Variants in TMEM184C observed in about 807,000 individuals in gnomAD.
TMEM184C encodes transmembrane protein 34.
A neutral mutation model predicts 54.5 loss-of-function variants in TMEM184C; 25 were observed. The ratio of observed to expected loss-of-function variants is 0.46; its 90% CI spans 0.33 to 0.64. The LOEUF is 0.64. TMEM184C is among the 30% of genes least tolerant of loss of function. The pLI is 0.02. For synonymous variants in TMEM184C, 148 were observed against 181.5 expected, an observed-to-expected ratio of 0.82 and a Z score of 1.49; for missense variants, 335 against 520.3, an observed-to-expected ratio of 0.64 and a Z score of 3.46.
chr4:147,628,118 C>G (rs1306918177), intron 4 of TMEM184C, among the ~76,000 whole-genome samples: 1 of 152,170 alleles, frequency 6.6e-6, no homozygotes, highest in Non-Finnish European at 1.5e-5. Context: ...ATGTTCACAC[C>G]ACTGCACTCC....
intron 4 of TMEM184C, among the ~76,000 whole-genome samples, chr4:147,625,953 C>A (rs1422873240): frequency 6.6e-6 from 1 of 152,070 alleles, no homozygotes; most frequent in East Asian, 1.9e-4. Flanking sequence ...TAGGGGGAAG[C>A]CAGTGAGCCA....
At chr4:147,632,172 C>CAA (rs537342410) in intron 7 of TMEM184C, among the ~76,000 whole-genome samples, 1,541 of 122,790 alleles carry the variant, frequency 0.013, 26 homozygotes, top group African/African-American at 0.025. Context: ...AACTCTGTCT[C>CAA]AAAAAAAAAA....
At chr4:147,624,720 T>G (rs1732780480) in intron 3 of TMEM184C, 84 bp from the exon 4 acceptor site, 1 of 1,285,908 alleles carries the variant, frequency 7.8e-7, no homozygotes, top group African/African-American at 1.5e-5. Flanking sequence ...GCATAAAAAT[T>G]AGCTTATTGT....
rs972655853 is a variant in TMEM184C, at chr4:147,635,724, A to G, written c.*1290A>G. ...TCTATTAAAACTAAAACTGGGCTCT[A>G]TGTAAAAACCCCAAAGATACACACA... is the stretch of plus-strand genomic sequence containing the variant. On this transcript the variant is annotated 3_prime_UTR_variant, in exon 10 of 10. Transcript: ENST00000296582. 6.6e-6 allele frequency: 1 copy of G among 152,120 alleles called. No individual in the cohort carries two copies. Among genetic ancestry groups the G allele is most frequent in the African/African-American group, 2.4e-5 (1 of 41,448 alleles). The allele number at this position is 152,120 out of a possible 1,614,324, so 9.4% of individuals were successfully genotyped here. A position where few individuals can be genotyped will look rare whatever the true frequency, so the allele number is the denominator to read the frequency against.
At chr4:147,624,144 T>A (rs1732766318) in intron 3 of TMEM184C, 46 bp downstream of exon 3, 1 of 1,490,890 alleles carries the variant, frequency 6.7e-7, no homozygotes, top group Non-Finnish European at 9.3e-7. Context: ...ACTTGTTTGA[T>A]GATACTATAA....
intron 7 of TMEM184C, among the ~76,000 whole-genome samples, chr4:147,632,262 C>T (rs1433882058): frequency 6.7e-6 from 1 of 149,074 alleles, no homozygotes; most frequent in Non-Finnish European, 1.5e-5. Flanking sequence ...AGAAACAATA[C>T]AAAAAGGGAA....
rs1404289260 is a variant in TMEM184C at position 147,634,710 on chromosome 4, C to CT, written c.*279dup. The CT allele has an allele frequency of 6.7e-6, 2 of 300,046 alleles. No individual in the cohort carries two copies. The highest frequency in any genetic ancestry group is 1.2e-5 in the Non-Finnish European group (2 of 169,654). The allele number at this position is 300,046 out of a possible 1,614,324, so 18.6% of individuals were successfully genotyped here. ...ACTAAATCTTCCTGATGTTACACTG[C>CT]TTTATCAAGAGGATGGACTTTTTTT... On this transcript the variant is annotated 3_prime_UTR_variant, in exon 10 of 10. Transcript: ENST00000296582.
chr4:147,623,983 G>A lies in TMEM184C; in HGVS notation c.254+19G>A. ...TAATAAGGTATGTCTTAATAATTTTGATTCCACTACTGTTGTGTTGGCTTA... is the reference window on the plus strand; with the variant it reads ...TAATAAGGTATGTCTTAATAATTTTAATTCCACTACTGTTGTGTTGGCTTA... On this transcript the variant is annotated intron_variant, in intron 2 of 9. Coordinates refer to ENST00000296582, the MANE Select transcript of TMEM184C (RefSeq NM_018241.3). 1 of 1,613,262 alleles carries A rather than the reference G, an allele frequency of 6.2e-7. No homozygotes were observed. Among genetic ancestry groups the A allele is most frequent in the South Asian group, 1.1e-5 (1 of 90,912 alleles).
chr4:147,629,576 T>C (rs766046939), intron 5 of TMEM184C, 23 bp from the exon 6 acceptor site: 1 of 1,543,640 alleles, frequency 6.5e-7, no homozygotes, highest in Non-Finnish European at 8.8e-7. Context: ...TAATCAGAGA[T>C]ATCTCATTTT....
intron 4 of TMEM184C, 129 bp downstream of exon 4, chr4:147,625,138 C>T (rs1027883606): frequency 2.4e-6 from 2 of 817,254 alleles, no homozygotes; most frequent in African/African-American, 1.7e-5. Context: ...TAAGACAGCT[C>T]CTGATGCAGT....
chr4:147,629,475 C>G, intron 5 of TMEM184C, 124 bp from the exon 6 acceptor site: 1 of 655,114 alleles, frequency 1.5e-6, no homozygotes, highest in South Asian at 2.1e-5. Flanking sequence ...TCTCTGTGTC[C>G]AAAGTCAAGT....
intron 4 of TMEM184C, 61 bp from the exon 5 acceptor site, chr4:147,628,300 G>C: frequency 7.4e-7 from 1 of 1,347,274 alleles, no homozygotes; most frequent in Non-Finnish European, 1.0e-6. Context: ...TGGAGGCTTT[G>C]GGGAAAATCT....
At position 147,618,102 on chromosome 4, in the gene TMEM184C, G is replaced by C. The variant is rs371948249; in HGVS notation, c.123+23G>C. 26 of 1,613,432 alleles carry C rather than the reference G, an allele frequency of 1.6e-5. No individual in the cohort carries two copies. In the African/African-American group the frequency reaches 3.2e-4, roughly 20 times the overall value. Reference sequence around the variant, plus strand: ...GAGGTAAGAGGGTTCTGCACCATCAGCCTGTACACTTTCTTCTACCCATCT... The same window carrying C: ...GAGGTAAGAGGGTTCTGCACCATCACCCTGTACACTTTCTTCTACCCATCT... On this transcript the variant is annotated intron_variant, in intron 1 of 9. Transcript: ENST00000296582.
chr4:147,629,554 A>G (rs1387703007), intron 5 of TMEM184C, 45 bp from the exon 6 acceptor site: 2 of 1,443,540 alleles, frequency 1.4e-6, no homozygotes, highest in Non-Finnish European at 9.5e-7. Flanking sequence ...ATTTTGAAGT[A>G]CGATTTTGAT....
chr4:147,617,718 A>G lies in TMEM184C; in HGVS notation c.-239A>G, dbSNP rs1732623470. 3 of 464,980 alleles carry G rather than the reference A, an allele frequency of 6.5e-6. No individual in the cohort carries two copies. The highest frequency in any genetic ancestry group is 4.0e-6 in the Non-Finnish European group (1 of 251,544). The allele number at this position is 464,980 out of a possible 1,614,324, so 28.8% of individuals were successfully genotyped here. A position where few individuals can be genotyped will look rare whatever the true frequency, so the allele number is the denominator to read the frequency against. ...ACAACCGGGTAGATGCGGGGTGGAG[A>G]AGAAAGGATGTTGCCTGCACTGCTC... On this transcript the variant is annotated 5_prime_UTR_variant, in exon 1 of 10. Coordinates refer to ENST00000296582, the MANE Select transcript of TMEM184C (RefSeq NM_018241.3).
At position 147,636,385 on chromosome 4, in the gene TMEM184C, C is replaced by T. The variant is rs1733048078; in HGVS notation, c.*1951C>T. 6.6e-6 allele frequency: 1 copy of T among 152,056 alleles called. No homozygotes were observed. Among genetic ancestry groups the T allele is most frequent in the East Asian group, 1.9e-4 (1 of 5,196 alleles). 9.4% of individuals were successfully genotyped at this position (152,056 alleles called of 1,614,324 possible). ...GACACATCGGGGAAAGAACAGTCTTCATTAAGTGTTCTTAATGAAGATGCT... is the reference window on the plus strand; with the variant it reads ...GACACATCGGGGAAAGAACAGTCTTTATTAAGTGTTCTTAATGAAGATGCT... On this transcript the variant is annotated 3_prime_UTR_variant, in exon 10 of 10. Coordinates refer to ENST00000296582, the MANE Select transcript of TMEM184C (RefSeq NM_018241.3).
intron 2 of TMEM184C, 40 bp downstream of exon 2, chr4:147,624,004 G>T (rs764630201): frequency 6.2e-7 from 1 of 1,611,544 alleles, no homozygotes; most frequent in Non-Finnish European, 8.5e-7. Flanking sequence ...TGTTGTGTTG[G>T]CTTATTTCAT....
Position 147,617,709 on chromosome 4 carries a change from G to T in TMEM184C, c.-248G>T. 1 of 440,996 alleles carries T rather than the reference G, an allele frequency of 2.3e-6. No individual in the cohort carries two copies. Among genetic ancestry groups the T allele is most frequent in the South Asian group, 2.2e-5 (1 of 46,414 alleles). 27.3% of individuals were successfully genotyped at this position (440,996 alleles called of 1,614,324 possible). ...CACCGCAGTACAACCGGGTAGATGCGGGGTGGAGAAGAAAGGATGTTGCCT... is the reference window on the plus strand; with the variant it reads ...CACCGCAGTACAACCGGGTAGATGCTGGGTGGAGAAGAAAGGATGTTGCCT... On this transcript the variant is annotated 5_prime_UTR_variant, in exon 1 of 10. Coordinates refer to ENST00000296582, the MANE Select transcript of TMEM184C (RefSeq NM_018241.3).
intron 6 of TMEM184C, 92 bp downstream of exon 6, chr4:147,629,784 G>T: frequency 2.6e-6 from 2 of 780,566 alleles, no homozygotes; most frequent in South Asian, 6.2e-5. Flanking sequence ...GATAAGGCTT[G>T]CTTCTTTTTA....
Sources: allele counts gnomAD v4.1 joint callset (sites outside exome capture counted in the v4.1 genomes callset), GRCh38; gene constraint gnomAD v4.1.1; transcripts MANE v1.5; gene names NCBI Gene and HGNC (gene_info 2026-07-23, HGNC 2026-07-21).